Variants in BEND7 observed in about 807,000 individuals in gnomAD.
The protein encoded by BEND7 is BEN domain containing 7.
Under a neutral mutation model 50.9 loss-of-function variants are expected in BEND7, and 28 were observed. The observed-to-expected ratio is 0.55, with a 90% confidence interval of 0.41 to 0.75. BEND7 has a LOEUF of 0.75. Among genes scored for constraint, BEND7 ranks in the 30% least tolerant of loss-of-function variants. BEND7 has a pLI of 0.00. For synonymous variants in BEND7, 170 were observed against 183.9 expected (o/e 0.92, Z 0.61); for missense variants, 477 against 491.3 (o/e 0.97, Z 0.28).
intron 6 of BEND7, among the ~76,000 whole-genome samples, chr10:13,468,176 G>A (rs2074444744): frequency 6.6e-6 from 1 of 152,196 alleles, no homozygotes; most frequent in Non-Finnish European, 1.5e-5. Flanking sequence ...AAGGCGGAGA[G>A]TTAAGATGCC....
chr10:13,461,762 C>T (rs981149212), intron 6 of BEND7, among the ~76,000 whole-genome samples: 1 of 151,596 alleles, frequency 6.6e-6, no homozygotes, highest in Non-Finnish European at 1.5e-5. Flanking sequence ...GCTTGGCCTG[C>T]ACCTCACAGA....
At chr10:13,464,135 C>G (rs2073989803) in intron 6 of BEND7, among the ~76,000 whole-genome samples, 1 of 152,250 alleles carries the variant, frequency 6.6e-6, no homozygotes, top group Non-Finnish European at 1.5e-5. Flanking sequence ...GCTGAAGACG[C>G]TGTTCCTTGT....
chr10:13,468,030 C>T lies in BEND7; in HGVS notation c.1063+12869G>A, dbSNP rs115103688. On this transcript the variant is annotated intron_variant, in intron 6 of 8. Coordinates refer to ENST00000466271, the MANE Select transcript of BEND7 (RefSeq NM_001369863.1). ...ATATAAACAGCATGACCATGTATCC[C>T]GATCTGCCCGGGAAGTTCAAGTATA... is the stretch of plus-strand genomic sequence containing the variant. Among the ~76,000 whole-genome samples the T allele has an allele frequency of 7.5e-3, 1,149 of 152,234 alleles. 15 individuals are homozygous for T. Among genetic ancestry groups the T allele is most frequent in the South Asian group, 0.044 (212 of 4,820 alleles).
chr10:13,528,594 G>GTGACA lies in BEND7; in HGVS notation c.-62_-61insTGTCA. 1.2e-6 allele frequency: 1 copy of GTGACA among 843,878 alleles called. No homozygotes were observed. The highest frequency in any genetic ancestry group is 1.4e-6 in the Non-Finnish European group (1 of 705,886). The allele number at this position is 843,878 out of a possible 1,614,324, so 52.3% of individuals were successfully genotyped here. A position where few individuals can be genotyped will look rare whatever the true frequency, so the allele number is the denominator to read the frequency against. On this transcript the variant is annotated 5_prime_UTR_variant, in exon 1 of 9. Transcript: ENST00000466271. ...GGCGGCAGCGGCGGCAGCGGCAGCG[G>GTGACA]CGGCAGCGGCAGCGGCGGCGCGGGC...
At chr10:13,483,432 G>C (rs1392973416) in intron 5 of BEND7, among the ~76,000 whole-genome samples, 1 of 152,206 alleles carries the variant, frequency 6.6e-6, no homozygotes, top group Non-Finnish European at 1.5e-5. Flanking sequence ...TGTATTTGGA[G>C]TGTCAAACAC....
At chr10:13,480,515 CT>C (rs112536172) in intron 6 of BEND7, 40,486 of 424,628 alleles carry the variant, frequency 0.095, 1 homozygote, top group Non-Finnish European at 0.11. Context: ...TTTACTTTAT[CT>C]TTTTTTTTTT....
intron 2 of BEND7, among the ~76,000 whole-genome samples, chr10:13,525,261 G>T (rs4750373): frequency 6.6e-6 from 1 of 152,314 alleles, no homozygotes; most frequent in South Asian, 2.1e-4. Context: ...AAAATCTTAC[G>T]TGGTTTCATT....
At chr10:13,523,484 G>A (rs769527225) in intron 2 of BEND7, among the ~76,000 whole-genome samples, 218 of 152,296 alleles carry the variant, frequency 1.4e-3, no homozygotes, top group Non-Finnish European at 2.5e-3. Flanking sequence ...TCTTATAGAT[G>A]CAGATACTAT....
intron 6 of BEND7, among the ~76,000 whole-genome samples, chr10:13,458,275 G>C (rs898071959): frequency 6.6e-6 from 1 of 152,224 alleles, no homozygotes; most frequent in African/African-American, 2.4e-5. Flanking sequence ...TCATCATCAA[G>C]TGAAGGCGGC....
chr10:13,487,242 GC>G (rs560019879), intron 5 of BEND7, among the ~76,000 whole-genome samples: 124 of 152,224 alleles, frequency 8.1e-4, no homozygotes, highest in Admixed American at 2.2e-3. Flanking sequence ...GTTTGCAGTT[GC>G]AAAAACCACG....
At chr10:13,524,782 A>C (rs1050516160) in intron 2 of BEND7, among the ~76,000 whole-genome samples, 1 of 152,174 alleles carries the variant, frequency 6.6e-6, no homozygotes, top group African/African-American at 2.4e-5. Flanking sequence ...CTCTCTTAAC[A>C]GTAAACAGGT....
At position 13,441,109 on chromosome 10, in the gene BEND7, TATTCTTCCA is replaced by T. The variant is rs1835256360; in HGVS notation, c.*625_*633del. The T allele has an allele frequency of 1.0e-6, 1 of 985,418 alleles. No homozygotes were observed. Among genetic ancestry groups the T allele is most frequent in the South Asian group, 4.7e-5 (1 of 21,288 alleles). 61.0% of individuals were successfully genotyped at this position (985,418 alleles called of 1,614,324 possible). A position where few individuals can be genotyped will look rare whatever the true frequency, so the allele number is the denominator to read the frequency against. The stretch of plus-strand genomic sequence containing the variant: ...CACGTTCAATTAAAGTAATTTATTG[TATTCTTCCA>T]GATCAGACATAAAGAGCATCTTGGG... On this transcript the variant is annotated 3_prime_UTR_variant, in exon 9 of 9. Transcript: ENST00000466271.
At chr10:13,459,224 G>A (rs1306021649) in intron 6 of BEND7, among the ~76,000 whole-genome samples, 4 of 152,176 alleles carry the variant, frequency 2.6e-5, no homozygotes, top group African/African-American at 9.7e-5. Context: ...GGCCAACTGG[G>A]GAGAGGAACA....
chr10:13,494,872 A>G, intron 4 of BEND7, among the ~76,000 whole-genome samples: 1 of 152,256 alleles, frequency 6.6e-6, no homozygotes, highest in African/African-American at 2.4e-5. Flanking sequence ...GTCTTCAGGC[A>G]TTAAACCTTA....
upstream of BEND7, among the ~76,000 whole-genome samples, chr10:13,529,164 C>G (rs2079582154): frequency 6.9e-6 from 1 of 144,712 alleles, no homozygotes; most frequent in African/African-American, 2.5e-5. Context: ...CCGCGCGGCG[C>G]CCCGAGGAGG....
chr10:13,458,145 T>C (rs1839427906), intron 6 of BEND7, among the ~76,000 whole-genome samples: 1 of 152,248 alleles, frequency 6.6e-6, no homozygotes, highest in Non-Finnish European at 1.5e-5. Context: ...CGTCCATGAA[T>C]AATGACTTTT....
intron 2 of BEND7, among the ~76,000 whole-genome samples, 163 bp from the exon 3 acceptor site, chr10:13,500,243 C>T (rs2077344392): frequency 1.3e-5 from 2 of 152,182 alleles, no homozygotes; most frequent in South Asian, 2.1e-4. Context: ...AAACTGACTA[C>T]GGTCTGAAAA....
intron 5 of BEND7, among the ~76,000 whole-genome samples, chr10:13,482,055 ACT>A (rs1195134850): frequency 2.0e-5 from 3 of 152,114 alleles, no homozygotes; most frequent in African/African-American, 2.4e-5. Flanking sequence ...GGTGGCTACA[ACT>A]CTCTGTTCCT....
rs150020216 is a variant in BEND7 at position 13,492,727 on chromosome 10, C to G, written c.721G>C (p.Glu241Gln). The change falls in exon 5 of 9, where the codon GAG becomes CAG. Residue 241 changes from glutamate to glutamine, a missense_variant. This residue lies in a region of BEND7 where 396 missense variants were observed against 384.2 expected (regional missense o/e 1.03). Coordinates refer to ENST00000466271, the MANE Select transcript of BEND7 (RefSeq NM_001369863.1). The part of the protein sequence containing the change: ...VKQKPSGSEM[E>Q]KKSVVASELS... ...TCAGAGGCCACCACCGACTTTTTCT[C>G]CATCTCTGACCCACTGGGCTTCTGT... is the stretch of plus-strand genomic sequence containing the variant. The G allele has an allele frequency of 8.8e-5, 142 of 1,614,156 alleles. No individual in the cohort carries two copies. The African/African-American group carries it at 1.4e-3, about 16-fold the overall frequency.
Sources: allele counts gnomAD v4.1 joint callset (sites outside exome capture counted in the v4.1 genomes callset), GRCh38; gene constraint gnomAD v4.1.1; regional missense constraint gnomAD v4.1.1; transcripts MANE v1.5; gene names NCBI Gene and HGNC (gene_info 2026-07-23, HGNC 2026-07-21).